The following TMCO4 variants were observed in gnomAD, a reference collection of about 807,000 sequenced individuals.
TMCO4 encodes transmembrane and coiled-coil domains 4.
TMCO4 carries 58 observed loss-of-function variants against 64.7 expected under a neutral mutation model. That is an observed-to-expected ratio of 0.90 (90% CI 0.73 to 1.12). TMCO4 has a LOEUF of 1.12. TMCO4 is among the 50% of genes most tolerant of loss of function. The pLI is 0.00. For missense variants in TMCO4, 780 were observed against 825.9 expected (o/e 0.94, Z 0.68); for synonymous variants, 325 against 346.1 (o/e 0.94, Z 0.68).
rs543008211 is a variant in TMCO4 at position 19,724,002 on chromosome 1, G to A, written c.1264+13370C>T. ...CCGGTGGCAACTGCTAAGGTCAAGG[G>A]TGCCTGCATTCCCAGAGGGAAGCAA... On this transcript the variant is annotated intron_variant, in intron 13 of 15. Coordinates refer to ENST00000294543, the MANE Select transcript of TMCO4 (RefSeq NM_181719.7). 4.6e-5 allele frequency among the ~76,000 whole-genome samples: 7 copies of A among 152,278 alleles called. No homozygotes were observed. The South Asian group carries it at 1.2e-3, about 27-fold the overall frequency.
rs200604678 is a variant in TMCO4, at chr1:19,683,364, G to A, written c.1581C>T (p.Asp527=). 1.5e-4 allele frequency: 235 copies of A among 1,613,918 alleles called. No individual in the cohort carries two copies. In the South Asian group the frequency reaches 1.9e-3, roughly 13 times the overall value. ...CTGGGGCCAGCAAGAGCCCCTTCTC[G>A]TCCCAGCCTGGCTTGGTGCGGATGC... is the stretch of plus-strand genomic sequence containing the variant. ...AVGIRTKPGW[D]EKGLLLAPGC... The change falls in exon 16 of 16, where the codon GAC becomes GAT. Residue 527 remains aspartate, a synonymous_variant. Coordinates refer to ENST00000294543, the MANE Select transcript of TMCO4 (RefSeq NM_181719.7).
chr1:19,697,686 C>T (rs897071794), intron 14 of TMCO4, among the ~76,000 whole-genome samples: 4 of 151,560 alleles, frequency 2.6e-5, no homozygotes, highest in Non-Finnish European at 5.9e-5. Context: ...GTACCCTCTG[C>T]CTCCTGGGCT....
chr1:19,778,869 C>CTCTAAAAAACAAAAATTAAACAA, intron 4 of TMCO4, among the ~76,000 whole-genome samples: 1 of 152,286 alleles, frequency 6.6e-6, no homozygotes, highest in East Asian at 1.9e-4. Context: ...CCCCTGCCCT[C>CTCTAAAAAACAAAAATTAAACAA]CCGAGCTCAG....
intron 7 of TMCO4, among the ~76,000 whole-genome samples, chr1:19,748,537 G>T (rs1259949495): frequency 6.6e-6 from 1 of 152,044 alleles, no homozygotes; most frequent in Non-Finnish European, 1.5e-5. Context: ...AAAAGAAATG[G>T]GATTTGGCCA....
At chr1:19,691,559 G>A (rs1283537988) in intron 15 of TMCO4, among the ~76,000 whole-genome samples, 3 of 152,192 alleles carry the variant, frequency 2.0e-5, no homozygotes, top group African/African-American at 4.8e-5. Context: ...GTGGTGGCAC[G>A]GGTGGGTCTG....
chr1:19,740,481 G>A (rs1193713792), intron 11 of TMCO4, among the ~76,000 whole-genome samples: 2 of 152,176 alleles, frequency 1.3e-5, no homozygotes, highest in Admixed American at 1.3e-4. Context: ...GCCTAGCTAA[G>A]ATCCACCAAC....
Position 19,740,838 on chromosome 1 carries a change from G to A in TMCO4, c.981C>T (p.Thr327=), listed in dbSNP as rs1403304835. ...YLMELGNALE[T]ILSGLANMVA... ...CCATGTTGGCGAGACCACTGAGGAT[G>A]GTCTCCAGGGCATTGCCGAGCTCCA... Residue 327 remains threonine (T), a synonymous_variant, in exon 11 of 16, where the codon ACC becomes ACT. Transcript: ENST00000294543. 6.2e-7 allele frequency: 1 copy of A among 1,614,132 alleles called. No homozygotes were observed.
chr1:19,688,428 G>T (rs2095166815), intron 15 of TMCO4, among the ~76,000 whole-genome samples: 1 of 152,130 alleles, frequency 6.6e-6, no homozygotes, highest in African/African-American at 2.4e-5. Flanking sequence ...ACCTCCATCT[G>T]CCCCAGTGAC....
intron 6 of TMCO4, among the ~76,000 whole-genome samples, chr1:19,759,735 C>T (rs1177502872): frequency 6.6e-6 from 1 of 152,232 alleles, no homozygotes; most frequent in African/African-American, 2.4e-5. Flanking sequence ...TGAATCAGAA[C>T]AGCTCAGCCC....
intron 1 of TMCO4, among the ~76,000 whole-genome samples, chr1:19,798,849 G>A (rs1032113288): frequency 1.3e-5 from 2 of 152,210 alleles, no homozygotes; most frequent in South Asian, 2.1e-4. Flanking sequence ...CACACAGTAG[G>A]TGCTCAACAA....
At chr1:19,781,563 C>G (rs1398619815) in intron 3 of TMCO4, among the ~76,000 whole-genome samples, 1 of 151,530 alleles carries the variant, frequency 6.6e-6, no homozygotes, top group African/African-American at 2.4e-5. Context: ...GACACTAACT[C>G]TCACCTATCA....
intron 15 of TMCO4, among the ~76,000 whole-genome samples, chr1:19,684,987 C>T (rs1421739757): frequency 6.6e-6 from 1 of 152,142 alleles, no homozygotes; most frequent in Non-Finnish European, 1.5e-5. Flanking sequence ...CCCTAAATGG[C>T]CTATTCTGAT....
chr1:19,780,542 G>A, intron 4 of TMCO4, 38 bp downstream of exon 4: 1 of 1,547,754 alleles, frequency 6.5e-7, no homozygotes, highest in Non-Finnish European at 8.7e-7. Flanking sequence ...TTCCCCTGAA[G>A]AAGCATGACC....
chr1:19,748,450 C>A (rs1274037079), intron 7 of TMCO4, among the ~76,000 whole-genome samples: 1 of 152,190 alleles, frequency 6.6e-6, no homozygotes, highest in Non-Finnish European at 1.5e-5. Flanking sequence ...TGTGCTCAAC[C>A]AGTACCTGTT....
At chr1:19,776,204 G>A (rs980599286) in intron 4 of TMCO4, among the ~76,000 whole-genome samples, 1 of 152,142 alleles carries the variant, frequency 6.6e-6, no homozygotes, top group Non-Finnish European at 1.5e-5. Context: ...CACCACACTC[G>A]GCCAATATTG....
chr1:19,726,778 T>A (rs2095410612), intron 13 of TMCO4, among the ~76,000 whole-genome samples: 1 of 152,120 alleles, frequency 6.6e-6, no homozygotes, highest in African/African-American at 2.4e-5. Flanking sequence ...AGGATGAAGA[T>A]AAGGAATCAG....
At chr1:19,789,309 G>C (rs2043909513) in intron 2 of TMCO4, among the ~76,000 whole-genome samples, 1 of 151,942 alleles carries the variant, frequency 6.6e-6, no homozygotes, top group African/African-American at 2.4e-5. Flanking sequence ...GGCTGAGGCA[G>C]GAGAATTGCT....
intron 13 of TMCO4, among the ~76,000 whole-genome samples, chr1:19,719,983 T>C (rs1023557171): frequency 6.6e-6 from 1 of 150,990 alleles, no homozygotes. Context: ...CAGAGAGAGA[T>C]TCCTTCTCAA....
chr1:19,712,279 C>A (rs534434260), intron 13 of TMCO4, among the ~76,000 whole-genome samples: 3 of 152,232 alleles, frequency 2.0e-5, no homozygotes, highest in Non-Finnish European at 4.4e-5. Context: ...AAAACAATTA[C>A]AATAGTAACA....
Sources: allele counts gnomAD v4.1 joint callset (sites outside exome capture counted in the v4.1 genomes callset), GRCh38; gene constraint gnomAD v4.1.1; transcripts MANE v1.5; gene names NCBI Gene and HGNC (gene_info 2026-07-23, HGNC 2026-07-21).